PACRG: variants seen among roughly 807,000 people sequenced by gnomAD.
PACRG encodes the protein parkin coregulated, also known as parkin coregulated gene protein.
PACRG carries 29 observed loss-of-function variants against 29.7 expected under a neutral mutation model. That is an observed-to-expected ratio of 0.98 (90% CI 0.73 to 1.33). The LOEUF is 1.33. Ranked by LOEUF, PACRG falls within the 40% of genes most tolerant of loss-of-function variation. PACRG has a pLI of 0.00. For missense variants in PACRG, 279 were observed against 316.2 expected (o/e 0.88, Z 0.89); for synonymous variants, 116 against 118.7 (o/e 0.98, Z 0.15).
intron 2 of PACRG, among the ~76,000 whole-genome samples, chr6:162,949,338 A>G (rs577094200): frequency 6.6e-6 from 1 of 152,286 alleles, no homozygotes; most frequent in South Asian, 2.1e-4. Context: ...AATTATAGAT[A>G]CCAGAGACTG....
In PACRG at chr6:163,308,214, T is replaced by C. The variant is rs573005793; in HGVS notation, c.614-6613T>C. Among the ~76,000 whole-genome samples the C allele has an allele frequency of 1.5e-3, 229 of 152,384 alleles. 1 individual carries two copies. Among genetic ancestry groups the C allele is most frequent in the Non-Finnish European group, 2.7e-3 (182 of 68,038 alleles). ...TATGAGTTATTGTTAATGACTTTTT[T>C]TAGCAATATGTTATCTGTTGAATAA... On this transcript the variant is annotated intron_variant, in intron 4 of 4. Transcript: ENST00000366888.
At chr6:162,859,953 C>T (rs1562672259) in intron 2 of PACRG, among the ~76,000 whole-genome samples, 1 of 151,750 alleles carries the variant, frequency 6.6e-6, no homozygotes, top group Non-Finnish European at 1.5e-5. Context: ...TAGTAGTCTC[C>T]GCCATGACTC....
chr6:163,198,865 A>G (rs546508344), intron 4 of PACRG, among the ~76,000 whole-genome samples: 571 of 152,350 alleles, frequency 3.7e-3, no homozygotes, highest in Middle Eastern at 0.014. Context: ...ACGAGACATC[A>G]GTCAGTACAT....
chr6:163,310,757 T>G (rs1009735097), intron 4 of PACRG: 2 of 152,250 alleles, frequency 1.3e-5, no homozygotes, highest in African/African-American at 2.4e-5. Context: ...ATCAGAATCC[T>G]AGGTCATCCA....
chr6:163,108,649 A>T (rs1396486206), intron 4 of PACRG, among the ~76,000 whole-genome samples: 2 of 151,832 alleles, frequency 1.3e-5, no homozygotes. Context: ...TCAACCTCTC[A>T]AAGTGCTGGG....
At chr6:163,239,890 ACACT>A (rs138784789) in intron 4 of PACRG, among the ~76,000 whole-genome samples, 9,112 of 138,494 alleles carry the variant, frequency 0.066, 772 homozygotes, top group East Asian at 0.18. Flanking sequence ...ACTCTGACAC[ACACT>A]CACACTGTCA....
intron 2 of PACRG, among the ~76,000 whole-genome samples, chr6:163,034,060 A>G (rs1807926909): frequency 6.6e-6 from 1 of 152,188 alleles, no homozygotes; most frequent in Non-Finnish European, 1.5e-5. Context: ...CATTCATTCA[A>G]CCAGTTTGCA....
chr6:163,003,180 G>T (rs1804740518), intron 2 of PACRG, among the ~76,000 whole-genome samples: 2 of 152,152 alleles, frequency 1.3e-5, no homozygotes, highest in Admixed American at 1.3e-4. Flanking sequence ...TCTTAAAGTA[G>T]GTGAATACTT....
intron 1 of PACRG, among the ~76,000 whole-genome samples, chr6:162,746,710 T>C (rs765521462): frequency 1.4e-4 from 21 of 152,214 alleles, no homozygotes; most frequent in Non-Finnish European, 2.5e-4. Context: ...GTCATAGACA[T>C]AGGAGATGCT....
chr6:163,268,294 C>G (rs185743460), intron 4 of PACRG, among the ~76,000 whole-genome samples: 2 of 151,496 alleles, frequency 1.3e-5, no homozygotes, highest in African/African-American at 4.8e-5. Context: ...CCCAGCTACT[C>G]GGGAGGCTGA....
At position 163,055,755 on chromosome 6, in the gene PACRG, C is replaced by T. The variant is rs572636468; in HGVS notation, c.292-6395C>T. On this transcript the variant is annotated intron_variant, in intron 2 of 4. Coordinates refer to ENST00000366888, the MANE Select transcript of PACRG (RefSeq NM_001080379.2). This position sits in a 1 kb window ranked among gnomAD's most constrained non-coding sequence, Gnocchi z 4.0. ...GTACACTTCAGTGGCAGTAAGTACT[C>T]TCATACAGTGTGACCATGACCACCA... 6.6e-6 allele frequency among the ~76,000 whole-genome samples: 1 copy of T among 152,114 alleles called. No homozygotes were observed. Among genetic ancestry groups the T allele is most frequent in the East Asian group, 1.9e-4 (1 of 5,188 alleles).
intron 4 of PACRG, among the ~76,000 whole-genome samples, chr6:163,251,267 A>T (rs1036332305): frequency 2.6e-5 from 4 of 152,046 alleles, no homozygotes; most frequent in Admixed American, 2.6e-4. Flanking sequence ...AAAATAAAAT[A>T]TTAATAATAA....
chr6:163,025,023 T>A (rs998721539), intron 2 of PACRG, among the ~76,000 whole-genome samples: 3 of 152,154 alleles, frequency 2.0e-5, no homozygotes, highest in Non-Finnish European at 4.4e-5. Context: ...AAGCTTTCAA[T>A]AAAATCTGAC....
At chr6:163,114,511 A>G (rs1220294252) in intron 4 of PACRG, among the ~76,000 whole-genome samples, 2 of 152,212 alleles carry the variant, frequency 1.3e-5, no homozygotes, top group Non-Finnish European at 2.9e-5. Flanking sequence ...ATATATATGC[A>G]TGTTATTCAG....
chr6:163,268,773 A>G (rs1460416500), intron 4 of PACRG, among the ~76,000 whole-genome samples: 1 of 152,150 alleles, frequency 6.6e-6, no homozygotes, highest in Non-Finnish European at 1.5e-5. Context: ...AGGAAATTCA[A>G]TTTGGATTGC....
chr6:162,766,534 T>A (rs917869708), intron 1 of PACRG, among the ~76,000 whole-genome samples: 1 of 152,224 alleles, frequency 6.6e-6, no homozygotes, highest in African/African-American at 2.4e-5. Context: ...AAACACCTTT[T>A]CAATGTACTG....
chr6:163,236,464 A>G (rs1305743518), intron 4 of PACRG, among the ~76,000 whole-genome samples: 1 of 152,242 alleles, frequency 6.6e-6, no homozygotes, highest in Non-Finnish European at 1.5e-5. Context: ...TGAGCACTCC[A>G]TAAATATTTG....
chr6:162,957,446 A>G (rs1266160376), intron 2 of PACRG: 3 of 509,998 alleles, frequency 5.9e-6, no homozygotes, highest in Non-Finnish European at 7.5e-6. Flanking sequence ...CACACACCAC[A>G]TGCAGAGTTT....
chr6:162,764,935 G>A (rs929952190), intron 1 of PACRG, among the ~76,000 whole-genome samples: 2 of 151,716 alleles, frequency 1.3e-5, no homozygotes, highest in African/African-American at 2.4e-5. Context: ...TAGTAGAGAC[G>A]GGGTTTCACC....
Sources: allele counts gnomAD v4.1 joint callset (sites outside exome capture counted in the v4.1 genomes callset), GRCh38; gene constraint gnomAD v4.1.1; non-coding constraint Gnocchi (gnomAD v3.1); transcripts MANE v1.5; gene names NCBI Gene and HGNC (gene_info 2026-07-23, HGNC 2026-07-21).